The following FBXL7 variants were observed in gnomAD, a reference collection of about 807,000 sequenced individuals.
FBXL7 encodes F-box and leucine rich repeat protein 7, also known as F-box/LRR-repeat protein 7.
Under a neutral mutation model 38.3 loss-of-function variants are expected in FBXL7, and 12 were observed. That is an observed-to-expected ratio of 0.31 (90% CI 0.20 to 0.51). The LOEUF is 0.51. FBXL7 is among the 20% of genes least tolerant of loss of function. FBXL7 has a pLI of 0.98. For synonymous variants in FBXL7, 297 were observed against 300.9 expected, an observed-to-expected ratio of 0.99 and a Z score of 0.13; for missense variants, 567 against 676.4, an observed-to-expected ratio of 0.84 and a Z score of 1.79.
intron 2 of FBXL7, among the ~76,000 whole-genome samples, chr5:15,630,442 A>G (rs1740960013): frequency 6.6e-6 from 1 of 152,082 alleles, no homozygotes. Flanking sequence ...TTGGCACAAA[A>G]TATGGCTGAA....
rs545333324 is a variant in FBXL7 at position 15,698,511 on chromosome 5, T to G, written c.127+82439T>G. ...GTGAAATGAACTTAAATAGGGGTGG[T>G]GTGGTATATCTATTTTTGTAATGTA... On this transcript the variant is annotated intron_variant, in intron 2 of 3. Coordinates refer to ENST00000504595, the MANE Select transcript of FBXL7 (RefSeq NM_012304.5). Among the ~76,000 whole-genome samples the G allele has an allele frequency of 3.9e-5, 6 of 152,286 alleles. No homozygotes were observed. In the East Asian group the frequency reaches 1.2e-3, roughly 29 times the overall value.
chr5:15,688,117 TCTA>T lies in FBXL7; in HGVS notation c.127+72046_127+72048del, dbSNP rs542723531. ...ACATTTTAATATAATTTACTTTTCT[TCTA>T]TTTCTCTTTTTTTACACAAGGCATT... On this transcript the variant is annotated intron_variant, in intron 2 of 3. Coordinates refer to ENST00000504595, the MANE Select transcript of FBXL7 (RefSeq NM_012304.5). Among the ~76,000 whole-genome samples the T allele has an allele frequency of 1.4e-3, 220 of 152,332 alleles. 1 individual carries two copies. The highest frequency in any genetic ancestry group is 3.2e-3 in the Admixed American group (49 of 15,302).
chr5:15,619,324 C>T (rs1740550861), intron 2 of FBXL7, among the ~76,000 whole-genome samples: 3 of 152,122 alleles, frequency 2.0e-5, no homozygotes, highest in Admixed American at 6.5e-5. Context: ...GATTGTCTCT[C>T]CCTGGTTGCG....
intron 2 of FBXL7, among the ~76,000 whole-genome samples, chr5:15,622,100 T>A (rs943159370): frequency 6.6e-6 from 1 of 152,116 alleles, no homozygotes; most frequent in Non-Finnish European, 1.5e-5. Flanking sequence ...ATATATTGCA[T>A]GTTATTATTA....
intron 1 of FBXL7, among the ~76,000 whole-genome samples, chr5:15,527,404 A>G (rs913985283): frequency 3.9e-5 from 6 of 152,160 alleles, no homozygotes; most frequent in African/African-American, 1.4e-4. Flanking sequence ...TGTCTCCGAG[A>G]GTTAGCATAT....
chr5:15,628,364 C>G (rs1376844052), intron 2 of FBXL7, among the ~76,000 whole-genome samples: 1 of 152,034 alleles, frequency 6.6e-6, no homozygotes, highest in African/African-American at 2.4e-5. Context: ...GAGATGGACC[C>G]AAAGAAGATG....
At chr5:15,613,589 T>C (rs1294953824) in intron 1 of FBXL7, among the ~76,000 whole-genome samples, 3 of 152,180 alleles carry the variant, frequency 2.0e-5, no homozygotes, top group Admixed American at 2.0e-4. Context: ...TGGCCATTTT[T>C]CTGAGTTCCT....
chr5:15,898,991 G>A (rs910388119), intron 2 of FBXL7, among the ~76,000 whole-genome samples: 2 of 151,992 alleles, frequency 1.3e-5, no homozygotes, highest in Admixed American at 6.6e-5. Flanking sequence ...ATAAATGTGT[G>A]TGAGATATGT....
At chr5:15,704,633 GT>G (rs1273800048) in intron 2 of FBXL7, among the ~76,000 whole-genome samples, 1 of 152,146 alleles carries the variant, frequency 6.6e-6, no homozygotes, top group Non-Finnish European at 1.5e-5. Flanking sequence ...CATTTCTTCT[GT>G]TTCATTCTTT....
intron 1 of FBXL7, among the ~76,000 whole-genome samples, chr5:15,577,146 A>G (rs1738991907): frequency 6.6e-6 from 1 of 152,212 alleles, no homozygotes. Flanking sequence ...TAAACTGCCT[A>G]CCATGAAATG....
At chr5:15,659,379 A>G (rs1741986149) in intron 2 of FBXL7, among the ~76,000 whole-genome samples, 2 of 152,222 alleles carry the variant, frequency 1.3e-5, no homozygotes, top group African/African-American at 2.4e-5. Context: ...AACTAAAAAT[A>G]TCATTAGTTT....
chr5:15,562,467 C>T (rs957063312), intron 1 of FBXL7, among the ~76,000 whole-genome samples: 1 of 152,016 alleles, frequency 6.6e-6, no homozygotes, highest in African/African-American at 2.4e-5. Context: ...AACATTTGTC[C>T]AAAGAAAACA....
intron 2 of FBXL7, among the ~76,000 whole-genome samples, chr5:15,728,775 A>G (rs1158398634): frequency 1.3e-5 from 2 of 152,152 alleles, no homozygotes; most frequent in Non-Finnish European, 2.9e-5. Context: ...ATGTCCTTGA[A>G]CTACTGATAA....
At chr5:15,716,756 T>C (rs1744052829) in intron 2 of FBXL7, among the ~76,000 whole-genome samples, 1 of 152,244 alleles carries the variant, frequency 6.6e-6, no homozygotes, top group African/African-American at 2.4e-5. Context: ...CAGTAAATAT[T>C]TGCTGGCTTA....
At chr5:15,788,830 C>T (rs1399186331) in intron 2 of FBXL7, among the ~76,000 whole-genome samples, 1 of 151,872 alleles carries the variant, frequency 6.6e-6, no homozygotes, top group Non-Finnish European at 1.5e-5. Flanking sequence ...CAGGCATGCA[C>T]CACCACACCC....
intron 2 of FBXL7, among the ~76,000 whole-genome samples, chr5:15,708,047 A>G (rs1296214822): frequency 6.6e-6 from 1 of 152,062 alleles, no homozygotes; most frequent in South Asian, 2.1e-4. Context: ...AGCTATTTTT[A>G]TTTGTATTTC....
At chr5:15,665,918 T>C (rs1742259950) in intron 2 of FBXL7, among the ~76,000 whole-genome samples, 1 of 152,182 alleles carries the variant, frequency 6.6e-6, no homozygotes, top group South Asian at 2.1e-4. Context: ...ATGTAATCTT[T>C]TTATCTCAGG....
chr5:15,770,592 T>G (rs531747984), intron 2 of FBXL7, among the ~76,000 whole-genome samples: 1 of 152,346 alleles, frequency 6.6e-6, no homozygotes, highest in East Asian at 1.9e-4. Context: ...TGAGATGAAT[T>G]TAAACTCTTA....
intron 1 of FBXL7, among the ~76,000 whole-genome samples, chr5:15,533,646 G>A (rs1281001354): frequency 4.6e-5 from 7 of 152,196 alleles, no homozygotes; most frequent in African/African-American, 1.7e-4. Flanking sequence ...AGGGATCCCA[G>A]TTCCTGCGGG....
Sources: allele counts gnomAD v4.1 joint callset (sites outside exome capture counted in the v4.1 genomes callset), GRCh38; gene constraint gnomAD v4.1.1; transcripts MANE v1.5; gene names NCBI Gene and HGNC (gene_info 2026-07-23, HGNC 2026-07-21).